Variants in RERE observed in about 807,000 individuals in gnomAD.
RERE encodes the protein arginine-glutamic acid dipeptide repeats protein.
Under a neutral mutation model 146.1 loss-of-function variants are expected in RERE, and 40 were observed. The observed-to-expected ratio is 0.27, with a 90% CI of 0.21 to 0.36. The LOEUF (loss-of-function observed/expected upper bound fraction) is 0.36. RERE is among the 10% of genes least tolerant of loss of function. The pLI is 1.00. For synonymous variants in RERE, 1,003 were observed against 866.0 expected (o/e 1.16, Z -2.78); for missense variants, 1,933 against 2,138.7 (o/e 0.90, Z 1.90).
rs553787964 is a variant in RERE, at chr1:8,354,950, G to C, written c.*137C>G. 1.4e-6 allele frequency: 1 copy of C among 712,148 alleles called. No homozygotes were observed. Among genetic ancestry groups the C allele is most frequent in the African/African-American group, 1.8e-5 (1 of 55,754 alleles). The allele number at this position is 712,148 out of a possible 1,614,324, so 44.1% of individuals were successfully genotyped here. On this transcript the variant is annotated 3_prime_UTR_variant, in exon 23 of 23. Coordinates refer to ENST00000400908, the MANE Select transcript of RERE (RefSeq NM_001042681.2). Reference sequence around the variant, plus strand: ...ACACTACTATGTGGATACATTTTTAGTTGTGGGTTTTTAAATATATAAAGA... The same window carrying C: ...ACACTACTATGTGGATACATTTTTACTTGTGGGTTTTTAAATATATAAAGA...
intron 22 of RERE, 127 bp from the exon 23 acceptor site, chr1:8,355,247 G>A: frequency 1.7e-6 from 2 of 1,172,216 alleles, no homozygotes; most frequent in Non-Finnish European, 1.3e-6. Flanking sequence ...CTGTGTAGCT[G>A]ACCTACCCTC....
chr1:8,610,714 GAATT>G (rs1307034553), intron 4 of RERE, among the ~76,000 whole-genome samples: 1 of 152,040 alleles, frequency 6.6e-6, no homozygotes, highest in African/African-American at 2.4e-5. Context: ...GAAATTTAAT[GAATT>G]ATTTTATTTA....
At chr1:8,498,615 G>C (rs1380892578) in intron 8 of RERE, among the ~76,000 whole-genome samples, 1 of 145,924 alleles carries the variant, frequency 6.9e-6, no homozygotes, top group Non-Finnish European at 1.5e-5. Flanking sequence ...AGAATCGCTT[G>C]AACCCGGGAG....
chr1:8,443,462 A>AAG (rs1553167389), intron 11 of RERE, among the ~76,000 whole-genome samples: 1 of 134,936 alleles, frequency 7.4e-6, no homozygotes, highest in African/African-American at 3.6e-5. Flanking sequence ...AAAAAAAGAA[A>AAG]AAAAAAAAAA....
intron 6 of RERE, among the ~76,000 whole-genome samples, chr1:8,549,933 AT>A (rs1205046180): frequency 6.6e-6 from 1 of 152,256 alleles, no homozygotes; most frequent in Non-Finnish European, 1.5e-5. Flanking sequence ...CTGGAGAACC[AT>A]TACACACTGC....
intron 12 of RERE, among the ~76,000 whole-genome samples, chr1:8,376,530 G>C (rs552712134): frequency 2.0e-5 from 3 of 152,262 alleles, no homozygotes; most frequent in African/African-American, 7.2e-5. Context: ...CAGACGCTGG[G>C]AGCCTACAAC....
chr1:8,683,416 G>A (rs1247371033), intron 1 of RERE, among the ~76,000 whole-genome samples: 2 of 152,036 alleles, frequency 1.3e-5, no homozygotes, highest in Non-Finnish European at 2.9e-5. Flanking sequence ...GAAATGGCTG[G>A]ACCCTGCTAA....
At chr1:8,647,944 T>C (rs558240631) in intron 2 of RERE, among the ~76,000 whole-genome samples, 1 of 152,328 alleles carries the variant, frequency 6.6e-6, no homozygotes, top group African/African-American at 2.4e-5. Flanking sequence ...GCATGTTATC[T>C]TTACTTTTTC....
At chr1:8,368,159 G>A (rs943590815) in intron 12 of RERE, among the ~76,000 whole-genome samples, 1 of 152,090 alleles carries the variant, frequency 6.6e-6, no homozygotes. Flanking sequence ...TCATTTTAGG[G>A]GCTACTGAAT....
intron 11 of RERE, chr1:8,424,581 T>C (rs1242757218): frequency 6.6e-6 from 1 of 152,106 alleles, no homozygotes; most frequent in African/African-American, 2.4e-5. Context: ...TTGACAAAAG[T>C]ATCGTTTATA....
intron 1 of RERE, among the ~76,000 whole-genome samples, chr1:8,793,174 A>AGAAAG (rs1553150075): frequency 7.9e-6 from 1 of 127,058 alleles, no homozygotes; most frequent in Non-Finnish European, 1.6e-5. Context: ...AAAAAAAAAA[A>AGAAAG]AAAGAAAGAA....
intron 12 of RERE, among the ~76,000 whole-genome samples, chr1:8,412,863 G>A (rs1197429630): frequency 6.6e-6 from 1 of 152,080 alleles, no homozygotes. Flanking sequence ...GTTTCAAACT[G>A]GTCTTAAAAA....
At chr1:8,447,345 G>A (rs968222867) in intron 11 of RERE, among the ~76,000 whole-genome samples, 1 of 151,966 alleles carries the variant, frequency 6.6e-6, no homozygotes, top group Non-Finnish European at 1.5e-5. Flanking sequence ...TGCTGGCAAG[G>A]AGCTGTACTC....
intron 10 of RERE, among the ~76,000 whole-genome samples, chr1:8,476,057 C>T (rs1644752171): frequency 6.6e-6 from 1 of 152,188 alleles, no homozygotes; most frequent in East Asian, 1.9e-4. Flanking sequence ...CTTTCCATCA[C>T]TTTCTGAAAC....
intron 4 of RERE, among the ~76,000 whole-genome samples, chr1:8,605,031 C>T (rs1442437428): frequency 1.3e-5 from 2 of 152,196 alleles, no homozygotes; most frequent in South Asian, 2.1e-4. Flanking sequence ...AATTGTACCA[C>T]GAAATCTCTT....
At chr1:8,775,057 T>C (rs1387827052) in intron 1 of RERE, among the ~76,000 whole-genome samples, 3 of 143,576 alleles carry the variant, frequency 2.1e-5, no homozygotes, top group Non-Finnish European at 4.5e-5. Context: ...ACTTCCCGGG[T>C]TCAAGCGATT....
At chr1:8,510,649 T>G (rs1645323077) in intron 7 of RERE, among the ~76,000 whole-genome samples, 1 of 152,258 alleles carries the variant, frequency 6.6e-6, no homozygotes, top group Non-Finnish European at 1.5e-5. Flanking sequence ...CAACTTGTCC[T>G]TTTCTATTTT....
intron 7 of RERE, among the ~76,000 whole-genome samples, chr1:8,522,903 C>T (rs1645522096): frequency 6.6e-6 from 1 of 151,532 alleles, no homozygotes; most frequent in Non-Finnish European, 1.5e-5. Flanking sequence ...AGTGTCAGGC[C>T]AGGCACGCTG....
At chr1:8,501,086 G>A (rs1464167413) in intron 8 of RERE, among the ~76,000 whole-genome samples, 6 of 143,348 alleles carry the variant, frequency 4.2e-5, no homozygotes, top group South Asian at 2.2e-4. Context: ...GGGAGGTGAG[G>A]GGCTCCTCTG....
Sources: allele counts gnomAD v4.1 joint callset (sites outside exome capture counted in the v4.1 genomes callset), GRCh38; gene constraint gnomAD v4.1.1; transcripts MANE v1.5; gene names NCBI Gene and HGNC (gene_info 2026-07-23, HGNC 2026-07-21).